STXBP5: variants seen among roughly 807,000 people sequenced by gnomAD.
STXBP5 encodes the protein syntaxin binding protein 5, also known as syntaxin-binding protein 5.
STXBP5 carries 50 observed loss-of-function variants against 152.4 expected under a neutral mutation model. The ratio of observed to expected loss-of-function variants is 0.33; its 90% CI spans 0.26 to 0.42. The LOEUF is 0.42. Ranked by LOEUF, STXBP5 falls within the 10% of genes least tolerant of loss-of-function variation. The pLI, the probability that STXBP5 is intolerant of heterozygous loss-of-function variation, is 1.00. For synonymous variants in STXBP5, 492 were observed against 494.7 expected, an observed-to-expected ratio of 0.99 and a Z score of 0.07; for missense variants, 1,167 against 1,388.6, an observed-to-expected ratio of 0.84 and a Z score of 2.54.
intron 16 of STXBP5, among the ~76,000 whole-genome samples, chr6:147,322,770 CACTA>C (rs1305471668): frequency 2.6e-5 from 4 of 152,198 alleles, no homozygotes; most frequent in African/African-American, 9.7e-5. Flanking sequence ...AGCAGTCACA[CACTA>C]AAATTGTTCA....
At chr6:147,271,870 A>T (rs761748506) in intron 7 of STXBP5, among the ~76,000 whole-genome samples, 1 of 152,170 alleles carries the variant, frequency 6.6e-6, no homozygotes, top group Non-Finnish European at 1.5e-5. Flanking sequence ...ATTGATAAAC[A>T]TATAGTCAGA....
At chr6:147,210,134 CAG>C (rs1211105922) in intron 2 of STXBP5, among the ~76,000 whole-genome samples, 3 of 152,044 alleles carry the variant, frequency 2.0e-5, no homozygotes, top group East Asian at 1.9e-4. Flanking sequence ...GAATCCAAAA[CAG>C]GGGTGGCAGA....
chr6:147,213,211 A>G (rs755436096), intron 2 of STXBP5, among the ~76,000 whole-genome samples: 12 of 152,000 alleles, frequency 7.9e-5, no homozygotes, highest in Non-Finnish European at 1.3e-4. Flanking sequence ...TGTTGGATCA[A>G]TTTGGCTTTA....
At chr6:147,247,273 G>C (rs1778856050) in intron 4 of STXBP5, among the ~76,000 whole-genome samples, 1 of 152,182 alleles carries the variant, frequency 6.6e-6, no homozygotes. Context: ...TTTGAAAACA[G>C]CTTAATGAAA....
chr6:147,281,318 A>G (rs1030872171), intron 8 of STXBP5, among the ~76,000 whole-genome samples: 3 of 152,090 alleles, frequency 2.0e-5, no homozygotes, highest in African/African-American at 4.8e-5. Flanking sequence ...TCAGCCTCCC[A>G]AAGTGCTGGG....
intron 22 of STXBP5, 23 bp from the exon 23 acceptor site, chr6:147,359,061 C>G: frequency 6.2e-7 from 1 of 1,603,264 alleles, no homozygotes. Flanking sequence ...TGAGCAATCT[C>G]ACAACATTTT....
chr6:147,352,188 T>A (rs1277080142), intron 21 of STXBP5, among the ~76,000 whole-genome samples: 1 of 152,200 alleles, frequency 6.6e-6, no homozygotes, highest in African/African-American at 2.4e-5. Context: ...ATACCGTAGT[T>A]TTAGATTATG....
intron 9 of STXBP5, among the ~76,000 whole-genome samples, chr6:147,294,800 T>C (rs1485163978): frequency 6.6e-6 from 1 of 152,202 alleles, no homozygotes; most frequent in African/African-American, 2.4e-5. Context: ...TAGAGAGCAC[T>C]GCATATTTTA....
intron 26 of STXBP5, among the ~76,000 whole-genome samples, chr6:147,374,843 G>T (rs943339569): frequency 6.6e-6 from 1 of 152,098 alleles, no homozygotes; most frequent in African/African-American, 2.4e-5. Flanking sequence ...TATTTGCAAA[G>T]ACACCAAAGG....
At position 147,229,844 on chromosome 6, in the gene STXBP5, C is replaced by CT. The variant is rs570281020; in HGVS notation, c.249-5397dup. Among the ~76,000 whole-genome samples, 3 of 150,878 alleles carry CT rather than the reference C, an allele frequency of 2.0e-5. No homozygotes were observed. In the South Asian group the frequency reaches 6.3e-4, roughly 32 times the overall value. On this transcript the variant is annotated intron_variant, in intron 2 of 27. Transcript: ENST00000321680. ...ACTTTTTTTCTTTCTATTCTGAACA[C>CT]TTTTTTTTTCTTGCACATTTCCATG... is the stretch of plus-strand genomic sequence containing the variant.
At chr6:147,324,714 T>A (rs1489875809) in intron 16 of STXBP5, among the ~76,000 whole-genome samples, 2 of 151,892 alleles carry the variant, frequency 1.3e-5, no homozygotes, top group African/African-American at 4.8e-5. Context: ...CCTCCTCACC[T>A]CTTATTTTCT....
intron 2 of STXBP5, among the ~76,000 whole-genome samples, chr6:147,226,024 A>G (rs2115116032): frequency 6.6e-6 from 1 of 152,298 alleles, no homozygotes; most frequent in African/African-American, 2.4e-5. Context: ...CTAAGAAGAT[A>G]TGACTGGAGC....
At chr6:147,369,502 A>G (rs927349556) in intron 25 of STXBP5, among the ~76,000 whole-genome samples, 3 of 152,080 alleles carry the variant, frequency 2.0e-5, no homozygotes. Context: ...TCTTCAGAAG[A>G]CACTTTTTAA....
chr6:147,266,933 C>A, intron 6 of STXBP5, 151 bp from the exon 7 acceptor site: 1 of 649,098 alleles, frequency 1.5e-6, no homozygotes, highest in Non-Finnish European at 2.6e-6. Context: ...TTGTCATTTA[C>A]GTGATTACTA....
rs13197824 is a variant in STXBP5 at position 147,246,028 on chromosome 6, A to G, written c.431+6758A>G. Among the ~76,000 whole-genome samples the G allele has an allele frequency of 4.8e-3, 733 of 152,290 alleles. 3 individuals carry two copies. The highest frequency in any genetic ancestry group is 8.3e-3 in the Non-Finnish European group (564 of 68,010). On this transcript the variant is annotated intron_variant, in intron 4 of 27. Coordinates refer to ENST00000321680, the MANE Select transcript of STXBP5 (RefSeq NM_001127715.4). ...GTTTTGGCAGCTCTAGGAAACACAT[A>G]TCACCTTTGTTCCTCTTCCTTGATA...
chr6:147,377,641 T>C lies in STXBP5; in HGVS notation c.3193+3799T>C, dbSNP rs148051030. On this transcript the variant is annotated intron_variant, in intron 26 of 27. Coordinates refer to ENST00000321680, the MANE Select transcript of STXBP5 (RefSeq NM_001127715.4). ...ACAGCCTTCTGGCTGCATTCTCACC[T>C]GGGGGAAAGAGAGCAAGCTACCTCT... Among the ~76,000 whole-genome samples the C allele has an allele frequency of 1.9e-4, 29 of 152,244 alleles. 1 individual carries two copies. In the East Asian group the frequency reaches 5.4e-3, roughly 28 times the overall value.
intron 4 of STXBP5, among the ~76,000 whole-genome samples, chr6:147,255,135 C>A (rs534432802): frequency 2.8e-4 from 43 of 152,214 alleles, no homozygotes; most frequent in African/African-American, 7.0e-4. Context: ...ACCATGCAGC[C>A]GTAAAAAAGG....
chr6:147,316,354 A>G lies in STXBP5; in HGVS notation c.1749A>G (p.Pro583=). Residue 583 remains proline (P), a synonymous_variant, in exon 16 of 28, where the codon CCA becomes CCG. Transcript: ENST00000321680. ...AGCCCATCCCTCCTCAGTCTCATCC[A>G]TCTACCAGTAGCAGTTCATCTGATG... ...NPQPIPPQSH[P]STSSSSSDGL... 1 of 1,604,960 alleles carries G rather than the reference A, an allele frequency of 6.2e-7. No individual in the cohort carries two copies. Among genetic ancestry groups the G allele is most frequent in the Middle Eastern group, 1.7e-4 (1 of 6,006 alleles).
chr6:147,213,438 G>GTA (rs1282865149), intron 2 of STXBP5, among the ~76,000 whole-genome samples: 1 of 50,950 alleles, frequency 2.0e-5, no homozygotes, highest in Non-Finnish European at 4.3e-5. Flanking sequence ...TTATATATGT[G>GTA]TGTGTGTGTG....
Sources: allele counts gnomAD v4.1 joint callset (sites outside exome capture counted in the v4.1 genomes callset), GRCh38; gene constraint gnomAD v4.1.1; transcripts MANE v1.5; gene names NCBI Gene and HGNC (gene_info 2026-07-23, HGNC 2026-07-21).